The following LRMDA variants were observed in gnomAD, a reference collection of about 807,000 sequenced individuals.
LRMDA encodes leucine rich melanocyte differentiation associated.
Under a neutral mutation model 29.8 loss-of-function variants are expected in LRMDA, and 18 were observed. That is an observed-to-expected ratio of 0.60 (90% confidence interval 0.42 to 0.90). The LOEUF (loss-of-function observed/expected upper bound fraction) is 0.90, where lower values mean the gene tolerates loss of function less well. LRMDA is among the 40% of genes least tolerant of loss of function. The pLI is 0.00. For synonymous variants in LRMDA, 125 were observed against 109.4 expected (o/e 1.14, Z -0.89); for missense variants, 273 against 273.9 (o/e 1.00, Z 0.02).
intron 5 of LRMDA, among the ~76,000 whole-genome samples, chr10:76,312,274 A>T (rs1840639131): frequency 6.6e-6 from 1 of 152,198 alleles, no homozygotes; most frequent in African/African-American, 2.4e-5. Context: ...TCAGTTTTGA[A>T]GGATGATATT....
At chr10:76,542,941 C>T (rs150771124) in intron 6 of LRMDA, among the ~76,000 whole-genome samples, 2 of 152,198 alleles carry the variant, frequency 1.3e-5, no homozygotes, top group East Asian at 3.9e-4. Context: ...TTTCCAGGTT[C>T]CAGACTGTGC....
At chr10:75,812,272 A>T (rs1165016907) in intron 2 of LRMDA, among the ~76,000 whole-genome samples, 2 of 152,058 alleles carry the variant, frequency 1.3e-5, no homozygotes, top group Non-Finnish European at 1.5e-5. Context: ...TTTAAATAAG[A>T]TCAACACTGC....
chr10:75,793,312 C>G (rs968998473), intron 2 of LRMDA, among the ~76,000 whole-genome samples: 16 of 152,124 alleles, frequency 1.1e-4, no homozygotes. Flanking sequence ...GATTTCCAGT[C>G]TAGATCCATT....
Position 76,231,774 on chromosome 10 carries a change from CAG to C in LRMDA, c.517-92625_517-92624del, listed in dbSNP as rs1852063486. The stretch of plus-strand genomic sequence containing the variant: ...GTTATTATCACAAATAGCCTTGTGA[CAG>C]AAACAGTTTGTAGGAGAGAGGTTGG... On this transcript the variant is annotated intron_variant, in intron 5 of 6. Coordinates refer to ENST00000611255, the MANE Select transcript of LRMDA (RefSeq NM_001305581.2). Among the ~76,000 whole-genome samples, 4 of 152,176 alleles carry C rather than the reference CAG, an allele frequency of 2.6e-5. No individual in the cohort carries two copies. In the South Asian group the frequency reaches 8.3e-4, roughly 32 times the overall value.
At chr10:76,402,992 T>C (rs1216010804) in intron 6 of LRMDA, among the ~76,000 whole-genome samples, 3 of 151,874 alleles carry the variant, frequency 2.0e-5, no homozygotes. Context: ...GTTGGATTTG[T>C]TTCAGAGGTC....
In LRMDA at chr10:76,559,957, A is replaced by G. The variant is rs1589237504; in HGVS notation, c.*2669A>G. The G allele has an allele frequency of 6.6e-6, 1 of 152,204 alleles. No homozygotes were observed. The highest frequency in any genetic ancestry group is 1.9e-4 in the East Asian group (1 of 5,190). The allele number at this position is 152,204 out of a possible 1,614,324, so 9.4% of individuals were successfully genotyped here. A position where few individuals can be genotyped will look rare whatever the true frequency, so the allele number is the denominator to read the frequency against. ...AGAACAATTTGTTCCTCAGGGAATA[A>G]TGTCTTGGATTGTGGGGAATCCTAT... On this transcript the variant is annotated 3_prime_UTR_variant, in exon 7 of 7. Transcript: ENST00000611255.
chr10:76,297,256 T>C (rs1039219144), intron 5 of LRMDA, among the ~76,000 whole-genome samples: 1 of 152,224 alleles, frequency 6.6e-6, no homozygotes, highest in Non-Finnish European at 1.5e-5. Flanking sequence ...TTGGAAAGCA[T>C]TCAGGGTGGC....
chr10:75,661,100 G>A (rs1391583157), intron 2 of LRMDA, among the ~76,000 whole-genome samples: 2 of 152,140 alleles, frequency 1.3e-5, no homozygotes, highest in Admixed American at 1.3e-4. Flanking sequence ...CAGCAGCCAG[G>A]CGGATCTTAA....
chr10:75,683,740 C>T lies in LRMDA; in HGVS notation c.131+245246C>T, dbSNP rs115807901. Among the ~76,000 whole-genome samples, 679 of 152,298 alleles carry T rather than the reference C, an allele frequency of 4.5e-3. 7 individuals are homozygous for T. The highest frequency in any genetic ancestry group is 0.016 in the African/African-American group (652 of 41,544). On this transcript the variant is annotated intron_variant, in intron 2 of 6. Transcript: ENST00000611255. ...GACTTGTGCATGTGGAGGAGATCTGCTCTGGATAGCCTTGGCTTGGCAAAG... is the reference window on the plus strand; with the variant it reads ...GACTTGTGCATGTGGAGGAGATCTGTTCTGGATAGCCTTGGCTTGGCAAAG...
At position 75,701,302 on chromosome 10, in the gene LRMDA, A is replaced by G. The variant is rs192665501; in HGVS notation, c.131+262808A>G. 1.8e-4 allele frequency among the ~76,000 whole-genome samples: 28 copies of G among 152,382 alleles called. 1 individual carries two copies. The highest frequency in any genetic ancestry group is 1.6e-3 in the Admixed American group (24 of 15,312). ...CTACAGGGAGTATTGGAATAGAAAT[A>G]AAATTCATACACTAACTGGTTTTGG... On this transcript the variant is annotated intron_variant, in intron 2 of 6. Coordinates refer to ENST00000611255, the MANE Select transcript of LRMDA (RefSeq NM_001305581.2).
At position 76,357,938 on chromosome 10, in the gene LRMDA, G is replaced by A. The variant is rs1409845997; in HGVS notation, c.601+33453G>A. ...ACTCTTGACTTTGAGGAGCTTGGAG[G>A]CCATTGTGAAAACAGGAAAGACAAG... On this transcript the variant is annotated intron_variant, in intron 6 of 6. Coordinates refer to ENST00000611255, the MANE Select transcript of LRMDA (RefSeq NM_001305581.2). Among the ~76,000 whole-genome samples, 4 of 152,276 alleles carry A rather than the reference G, an allele frequency of 2.6e-5. No individual in the cohort carries two copies. In the South Asian group the frequency reaches 6.2e-4, roughly 24 times the overall value.
chr10:76,360,082 G>A (rs1176473313), intron 6 of LRMDA, among the ~76,000 whole-genome samples: 1 of 151,870 alleles, frequency 6.6e-6, no homozygotes, highest in East Asian at 1.9e-4. Context: ...GCAACCTCCC[G>A]GGTTCAAGTG....
intron 5 of LRMDA, among the ~76,000 whole-genome samples, chr10:76,180,040 G>A (rs1671936679): frequency 6.6e-6 from 1 of 152,198 alleles, no homozygotes; most frequent in Admixed American, 6.5e-5. Flanking sequence ...CGCTGTTGTG[G>A]AGCCCAGATA....
chr10:76,009,790 C>T (rs543470250), intron 2 of LRMDA, among the ~76,000 whole-genome samples: 3 of 152,136 alleles, frequency 2.0e-5, no homozygotes, highest in South Asian at 4.2e-4. Context: ...CTTCAGCTGC[C>T]GAGTCATCAG....
At chr10:75,468,768 G>C (rs1564778841) in intron 2 of LRMDA, among the ~76,000 whole-genome samples, 2 of 152,100 alleles carry the variant, frequency 1.3e-5, no homozygotes, top group Non-Finnish European at 2.9e-5. Flanking sequence ...GGAGATAGGG[G>C]CCTGTCTGCA....
At chr10:75,820,180 C>A (rs759190084) in intron 2 of LRMDA, among the ~76,000 whole-genome samples, 15 of 152,220 alleles carry the variant, frequency 9.9e-5, no homozygotes, top group Non-Finnish European at 1.8e-4. Context: ...TACAGACATT[C>A]TGCCTTACAA....
At chr10:76,478,947 A>C (rs1589208540) in intron 6 of LRMDA, among the ~76,000 whole-genome samples, 1 of 151,894 alleles carries the variant, frequency 6.6e-6, no homozygotes, top group Non-Finnish European at 1.5e-5. Flanking sequence ...TACCTAATGT[A>C]AATGACTAGT....
chr10:75,767,882 G>A (rs779866617), intron 2 of LRMDA, among the ~76,000 whole-genome samples: 1 of 152,206 alleles, frequency 6.6e-6, no homozygotes, highest in Non-Finnish European at 1.5e-5. Context: ...TCTGAGAGAG[G>A]CAGAGGGAAA....
chr10:76,540,739 C>G (rs1843344721), intron 6 of LRMDA, among the ~76,000 whole-genome samples: 1 of 152,134 alleles, frequency 6.6e-6, no homozygotes, highest in South Asian at 2.1e-4. Context: ...TGGGTTGCCT[C>G]TTTATTTTTC....
Sources: gnomAD v4.1 joint callset for allele counts (sites outside exome capture counted in the v4.1 genomes callset) on GRCh38, gnomAD v4.1.1 for gene constraint, MANE v1.5 for transcripts, NCBI Gene and HGNC (gene_info 2026-07-23, HGNC 2026-07-21) for gene names.